The following COL6A3 variants were observed in gnomAD, a reference collection of about 807,000 sequenced individuals.
The protein encoded by COL6A3 is collagen alpha-3(VI) chain.
Under a neutral mutation model 274.1 loss-of-function variants are expected in COL6A3, and 137 were observed. The ratio of observed to expected loss-of-function variants is 0.50; its 90% CI spans 0.44 to 0.58. The LOEUF (loss-of-function observed/expected upper bound fraction) is 0.58. Among genes scored for constraint, COL6A3 ranks in the 20% least tolerant of loss-of-function variants. COL6A3 has a pLI of 0.00. For synonymous variants in COL6A3, 1,650 were observed against 1,650.6 expected, an observed-to-expected ratio of 1.00 and a Z score of 0.01; for missense variants, 3,950 against 4,124.9, an observed-to-expected ratio of 0.96 and a Z score of 1.16.
At chr2:237,358,662 TC>T (rs2077370666) in intron 20 of COL6A3, 79 bp from the exon 21 acceptor site, 2 of 1,238,536 alleles carry the variant, frequency 1.6e-6, no homozygotes, top group South Asian at 2.4e-5. Flanking sequence ...ATTCTTCAAC[TC>T]ATAAATCTTA....
chr2:237,372,006 C>A lies in COL6A3; in HGVS notation c.4011G>T (p.Pro1337=), dbSNP rs114498197. 6.2e-6 allele frequency: 10 copies of A among 1,613,982 alleles called. No individual in the cohort carries two copies. Among genetic ancestry groups the A allele is most frequent in the African/African-American group, 5.3e-5 (4 of 74,930 alleles). The change falls in exon 9 of 44, where the codon CCG becomes CCT. Residue 1337 remains proline, a synonymous_variant. Transcript: ENST00000295550. ...CAGACGAGATGAGGACCAGGAACTGCGGGACGCCCTCTTCAATGCGGCTCC... is the reference window on the plus strand; with the variant it reads ...CAGACGAGATGAGGACCAGGAACTGAGGGACGCCCTCTTCAATGCGGCTCC... ...PLGSRIEEGV[P]QFLVLISSGK...
chr2:237,378,905 A>G lies in COL6A3; in HGVS notation c.2228T>C (p.Val743Ala), dbSNP rs778038326. The change falls in exon 6 of 44, where the codon GTG becomes GCG. Residue 743 changes from valine to alanine, a missense_variant. Val to Ala is a moderately conservative substitution (Grantham distance 64). Coordinates refer to ENST00000295550, the MANE Select transcript of COL6A3 (RefSeq NM_004369.4). ...EAGGSRIREH[V>A]PQLLLLLTAG... ...TGTGAGCAGAAGCAGGAGCTGCGGC[A>G]CGTGTTCACGGATCCTGCTGCCGCC... is the stretch of plus-strand genomic sequence containing the variant. 1 of 1,614,216 alleles carries G rather than the reference A, an allele frequency of 6.2e-7. No homozygotes were observed. Among genetic ancestry groups the G allele is most frequent in the East Asian group, 2.2e-5 (1 of 44,878 alleles).
chr2:237,372,611 C>T (rs1349620482), intron 8 of COL6A3, among the ~76,000 whole-genome samples: 1 of 152,226 alleles, frequency 6.6e-6, no homozygotes, highest in African/African-American at 2.4e-5. Flanking sequence ...ACCTGCACTG[C>T]ATCAGGTGCT....
At chr2:237,353,492 C>T in intron 24 of COL6A3, 89 bp from the exon 25 acceptor site, 1 of 1,191,220 alleles carries the variant, frequency 8.4e-7, no homozygotes. Context: ...GGGCCAGGGA[C>T]TTGGAAAGCA....
At position 237,371,871 on chromosome 2, in the gene COL6A3, C is replaced by A. The variant is rs114791158; in HGVS notation, c.4146G>T (p.Ser1382=). 2 of 1,613,570 alleles carry A rather than the reference C, an allele frequency of 1.2e-6. No homozygotes were observed. The highest frequency in any genetic ancestry group is 1.7e-6 in the Non-Finnish European group (2 of 1,179,998). The change falls in exon 9 of 44, where the codon TCG becomes TCT. Residue 1382 remains serine (S), a synonymous_variant. Transcript: ENST00000295550. The surrounding 1 kb of genome is among the most constrained non-coding windows in gnomAD (Gnocchi z 4.3). ...CCGAGAACACATATTCGGGGCTCAG[C>A]GAGATCTTCACCAGCTCCTCCTGGT... ...NADQEELVKI[S]LSPEYVFSVS... is the part of the protein sequence containing the mutation.
chr2:237,382,333 G>T (rs2078028559), intron 4 of COL6A3, among the ~76,000 whole-genome samples: 1 of 151,936 alleles, frequency 6.6e-6, no homozygotes, highest in South Asian at 2.1e-4. Context: ...CAGTAAGCCG[G>T]GATTGCACCA....
rs2076970720 is a variant in COL6A3, at chr2:237,340,784, C to A, written c.8132G>T (p.Gly2711Val). 1 of 1,614,172 alleles carries A rather than the reference C, an allele frequency of 6.2e-7. No homozygotes were observed. The highest frequency in any genetic ancestry group is 8.5e-7 in the Non-Finnish European group (1 of 1,180,044). ...AATGGCACTGCCTAAGGCCCTGGTT[C>A]CCTGCAACTGTGTCATTCCCCTGCT... ...FLSRGMTQLQ[G>V]TRALGSAIEY... is the part of the protein sequence containing the mutation. The change falls in exon 38 of 44, where the codon GGA (glycine) becomes GTA (valine). Residue 2711 changes from glycine to valine, a missense_variant. Coordinates refer to ENST00000295550, the MANE Select transcript of COL6A3 (RefSeq NM_004369.4).
At chr2:237,358,827 T>C (rs1266077535) in intron 20 of COL6A3, among the ~76,000 whole-genome samples, 1 of 152,210 alleles carries the variant, frequency 6.6e-6, no homozygotes, top group African/African-American at 2.4e-5. Context: ...ACTCAGTCCC[T>C]GCCCTATGGG....
intron 1 of COL6A3, among the ~76,000 whole-genome samples, chr2:237,412,001 C>T (rs1437925866): frequency 1.3e-5 from 2 of 152,196 alleles, no homozygotes; most frequent in Admixed American, 6.5e-5. Flanking sequence ...ACATGGAATT[C>T]CTTCCCAAGC....
chr2:237,396,343 T>C (rs1226132378), intron 2 of COL6A3, among the ~76,000 whole-genome samples: 1 of 152,158 alleles, frequency 6.6e-6, no homozygotes, highest in Non-Finnish European at 1.5e-5. Context: ...TCAGGGAAAA[T>C]AGTTTTTACT....
chr2:237,367,140 A>G lies in COL6A3; in HGVS notation c.5047T>C (p.Tyr1683His). The change falls in exon 11 of 44, where the codon TAC (tyrosine) becomes CAC (histidine). Residue 1683 changes from tyrosine to histidine, a missense_variant. By Grantham distance (83) the Tyr-to-His change is moderately conservative (BLOSUM62 2). Around this residue, in one of 5 missense-constraint regions of COL6A3, gnomAD observed 632 missense variants for 623.4 expected, o/e 1.01. Coordinates refer to ENST00000295550, the MANE Select transcript of COL6A3 (RefSeq NM_004369.4). ...AATTCGTCAGTGGGGTCAGAGTTGT[A>G]CTGGACAAGCCCCACTTGGATGGAG... is the stretch of plus-strand genomic sequence containing the variant. ...GDSIQVGLVQ[Y>H]NSDPTDEFFL... 1.2e-6 allele frequency: 2 copies of G among 1,614,208 alleles called. No individual in the cohort carries two copies. The highest frequency in any genetic ancestry group is 2.2e-5 in the South Asian group (2 of 91,072).
Position 237,344,811 on chromosome 2 carries a change from G to A in COL6A3, c.7207C>T (p.Leu2403=), listed in dbSNP as rs750485916. ...PLECPVFPTE[L]AFALDTSEGV... ...TCAGAGGTGTCTAAAGCAAAGGCTA[G>A]TTCTGTTGGGAAGACGGGGCACTCC... Residue 2403 remains leucine (L), a synonymous_variant, in exon 36 of 44, where the codon CTA becomes TTA. Coordinates refer to ENST00000295550, the MANE Select transcript of COL6A3 (RefSeq NM_004369.4). This position sits in a 1 kb window ranked among gnomAD's most constrained non-coding sequence, Gnocchi z 4.8. 6.2e-7 allele frequency: 1 copy of A among 1,612,256 alleles called. No homozygotes were observed. The highest frequency in any genetic ancestry group is 8.5e-7 in the Non-Finnish European group (1 of 1,179,832).
At position 237,341,063 on chromosome 2, in the gene COL6A3, A is replaced by C; in HGVS notation, c.7853T>G (p.Ile2618Ser). The C allele has an allele frequency of 6.2e-7, 1 of 1,614,128 alleles. No individual in the cohort carries two copies. The highest frequency in any genetic ancestry group is 8.5e-7 in the Non-Finnish European group (1 of 1,180,030). The change falls in exon 38 of 44, where the codon ATC becomes AGC. Residue 2618 changes from isoleucine (I) to serine (S), a missense_variant. Ile to Ser is a moderately radical substitution (Grantham distance 142). Coordinates refer to ENST00000295550, the MANE Select transcript of COL6A3 (RefSeq NM_004369.4). ...GCTGTCTAAGATGAAAGCCATGTCGATGTCCACATCGCTCCCTGCCGCTCT... is the reference window on the plus strand; with the variant it reads ...GCTGTCTAAGATGAAAGCCATGTCGCTGTCCACATCGCTCCCTGCCGCTCT... ...DRRAAGSDVD[I>S]DMAFILDSAE... is the part of the protein sequence containing the mutation.
intron 40 of COL6A3, 124 bp downstream of exon 40, chr2:237,336,011 C>T: frequency 1.6e-6 from 2 of 1,216,174 alleles, no homozygotes; most frequent in East Asian, 4.8e-5. Flanking sequence ...ATACATCATC[C>T]AGGTGTACAA....
At chr2:237,391,899 G>A (rs1253515269) in intron 3 of COL6A3, among the ~76,000 whole-genome samples, 2 of 152,136 alleles carry the variant, frequency 1.3e-5, no homozygotes, top group Non-Finnish European at 2.9e-5. Context: ...TGAGACTATC[G>A]TAGCGAGGAG....
At chr2:237,386,474 T>G (rs1025001222) in intron 4 of COL6A3, 1 of 152,214 alleles carries the variant, frequency 6.6e-6, no homozygotes, top group Admixed American at 6.5e-5. Context: ...CCAGACTTTA[T>G]TTATAAAGTT....
In COL6A3 at chr2:237,372,123, C is replaced by A; in HGVS notation, c.3894G>T (p.Ala1298=). The A allele has an allele frequency of 6.2e-7, 1 of 1,614,114 alleles. No homozygotes were observed. Among genetic ancestry groups the A allele is most frequent in the Non-Finnish European group, 8.5e-7 (1 of 1,180,048 alleles). Residue 1298 remains alanine, a synonymous_variant, in exon 9 of 44, where the codon GCG becomes GCT. Coordinates refer to ENST00000295550, the MANE Select transcript of COL6A3 (RefSeq NM_004369.4). ...CTCCCTTGGGCCTCAGCCGCTGCAC[C>A]GCGTTCTGCACTTCATCCTTGCTGG... is the stretch of plus-strand genomic sequence containing the variant. ...AHSSKDEVQN[A]VQRLRPKGGR...
rs745553856 is a variant in COL6A3, at chr2:237,364,343, C to T, written c.5917+7G>A. 1.2e-6 allele frequency: 2 copies of T among 1,611,382 alleles called. No individual in the cohort carries two copies. Among genetic ancestry groups the T allele is most frequent in the Non-Finnish European group, 8.5e-7 (1 of 1,177,724 alleles). ...ACTTCTCATATTTAGAAAGCCTTGG[C>T]ACCTACCTTCTTGGCGGAGGTTCTC... On this transcript the variant is annotated splice_region_variant and intron_variant, in intron 13 of 43. Coordinates refer to ENST00000295550, the MANE Select transcript of COL6A3 (RefSeq NM_004369.4). This position sits in a 1 kb window ranked among gnomAD's most constrained non-coding sequence, Gnocchi z 4.6.
chr2:237,347,715 A>C, intron 31 of COL6A3, 92 bp downstream of exon 31: 1 of 1,299,424 alleles, frequency 7.7e-7, no homozygotes, highest in South Asian at 1.3e-5. Context: ...CCAGGGTGCA[A>C]GTGAAGGATA....
Sources: gnomAD v4.1 joint callset for allele counts (sites outside exome capture counted in the v4.1 genomes callset) on GRCh38, gnomAD v4.1.1 for gene constraint, gnomAD v4.1.1 regional missense constraint, Gnocchi (gnomAD v3.1) non-coding constraint, MANE v1.5 for transcripts, NCBI Gene and HGNC (gene_info 2026-07-23, HGNC 2026-07-21) for gene names.